The following NRG1 variants were observed in gnomAD, a reference collection of about 807,000 sequenced individuals.
NRG1 encodes neuregulin 1, also known as pro-neuregulin-1, membrane-bound isoform.
Under a neutral mutation model 63.8 loss-of-function variants are expected in NRG1, and 18 were observed. That is an observed-to-expected ratio of 0.28 (90% CI 0.19 to 0.42). The LOEUF (loss-of-function observed/expected upper bound fraction) is 0.42. Among genes scored for constraint, NRG1 ranks in the 10% least tolerant of loss-of-function variants. The pLI is 1.00. For missense variants in NRG1, 762 were observed against 814.7 expected, an observed-to-expected ratio of 0.94 and a Z score of 0.79; for synonymous variants, 302 against 301.3, an observed-to-expected ratio of 1.00 and a Z score of -0.02.
At chr8:32,560,846 G>C (rs1343985614) in intron 1 of NRG1, among the ~76,000 whole-genome samples, 1 of 151,872 alleles carries the variant, frequency 6.6e-6, no homozygotes, top group African/African-American at 2.4e-5. Context: ...GTTAATCTTT[G>C]TAAATTACTA....
chr8:31,966,657 C>T (rs1331091445), intron 1 of NRG1, among the ~76,000 whole-genome samples: 1 of 152,212 alleles, frequency 6.6e-6, no homozygotes, highest in Non-Finnish European at 1.5e-5. Flanking sequence ...TCAAGATTCC[C>T]TCAGCCAATT....
chr8:32,548,884 C>T, intron 1 of NRG1, 58 bp downstream of exon 1: 1 of 1,497,022 alleles, frequency 6.7e-7, no homozygotes, highest in Non-Finnish European at 8.9e-7. Context: ...CCTACTCCTC[C>T]TCCTCCTCGG....
chr8:32,222,570 G>A (rs1845932567), intron 1 of NRG1, among the ~76,000 whole-genome samples: 1 of 152,138 alleles, frequency 6.6e-6, no homozygotes, highest in Non-Finnish European at 1.5e-5. Flanking sequence ...GTTACACCCA[G>A]GGCAAGTCTA....
At chr8:32,724,082 G>A (rs1438063804) in intron 5 of NRG1, among the ~76,000 whole-genome samples, 1 of 152,208 alleles carries the variant, frequency 6.6e-6, no homozygotes, top group Non-Finnish European at 1.5e-5. Context: ...GTAAGTTTCT[G>A]CTTTACCTTA....
intron 1 of NRG1, among the ~76,000 whole-genome samples, chr8:31,907,347 T>C (rs1184575184): frequency 1.9e-5 from 1 of 52,274 alleles, no homozygotes; most frequent in Non-Finnish European, 3.8e-5. Flanking sequence ...AGATGATCCT[T>C]TTTTTTTTTT....
At chr8:32,220,707 G>T (rs1845720879) in intron 1 of NRG1, among the ~76,000 whole-genome samples, 1 of 152,176 alleles carries the variant, frequency 6.6e-6, no homozygotes, top group African/African-American at 2.4e-5. Flanking sequence ...CAGGCCATCT[G>T]CTGCAGTGTT....
At chr8:31,656,041 A>G (rs77602633) in intron 1 of NRG1, among the ~76,000 whole-genome samples, 1,963 of 152,322 alleles carry the variant, frequency 0.013, 28 homozygotes, top group Non-Finnish European at 0.02. Flanking sequence ...GGAGGTCAGA[A>G]GAGAATTCCA....
At chr8:31,781,819 A>G (rs1819712471) in intron 1 of NRG1, among the ~76,000 whole-genome samples, 1 of 152,012 alleles carries the variant, frequency 6.6e-6, no homozygotes, top group African/African-American at 2.4e-5. Context: ...TCTATATTTT[A>G]AGTCTAAATT....
intron 1 of NRG1, among the ~76,000 whole-genome samples, chr8:32,003,230 C>A (rs1306504605): frequency 6.6e-6 from 1 of 152,014 alleles, no homozygotes; most frequent in Admixed American, 6.6e-5. Flanking sequence ...CTAAAGAAAC[C>A]TTTTTAAAAT....
chr8:32,599,690 C>T (rs1843977461), intron 2 of NRG1, among the ~76,000 whole-genome samples: 1 of 152,120 alleles, frequency 6.6e-6, no homozygotes, highest in East Asian at 1.9e-4. Context: ...ATCAAGAAAA[C>T]TGGTTAAAAA....
intron 1 of NRG1, among the ~76,000 whole-genome samples, chr8:31,916,227 A>G (rs141232364): frequency 1.2e-3 from 183 of 151,986 alleles, no homozygotes; most frequent in African/African-American, 4.0e-3. Flanking sequence ...TTTTATTATT[A>G]TACTTTAAGT....
intron 1 of NRG1, among the ~76,000 whole-genome samples, chr8:32,500,032 A>T (rs1376796566): frequency 6.6e-6 from 1 of 152,234 alleles, no homozygotes; most frequent in Non-Finnish European, 1.5e-5. Flanking sequence ...GTTTTCCATT[A>T]AAACATAAAA....
At chr8:32,441,034 C>T (rs1340856993) in intron 1 of NRG1, among the ~76,000 whole-genome samples, 1 of 151,970 alleles carries the variant, frequency 6.6e-6, no homozygotes, top group Non-Finnish European at 1.5e-5. Context: ...TAAATTCAGG[C>T]AAATTTGGCA....
chr8:32,083,355 T>C (rs1472702676), intron 1 of NRG1, among the ~76,000 whole-genome samples: 1 of 152,236 alleles, frequency 6.6e-6, no homozygotes, highest in African/African-American at 2.4e-5. Flanking sequence ...CTTGCAACTC[T>C]ACTTCGGTTA....
intron 1 of NRG1, among the ~76,000 whole-genome samples, chr8:31,682,122 C>A (rs1243633816): frequency 6.6e-6 from 1 of 152,282 alleles, no homozygotes; most frequent in South Asian, 2.1e-4. Flanking sequence ...CCTCTCTTCC[C>A]ACTAAAACCT....
intron 1 of NRG1, among the ~76,000 whole-genome samples, chr8:32,360,043 T>C (rs752339380): frequency 6.6e-6 from 1 of 152,230 alleles, no homozygotes; most frequent in Non-Finnish European, 1.5e-5. Context: ...GTTCCGTGGA[T>C]GTCTAGTCAA....
chr8:31,679,529 T>C (rs1448356436), intron 1 of NRG1, among the ~76,000 whole-genome samples: 1 of 152,112 alleles, frequency 6.6e-6, no homozygotes, highest in East Asian at 1.9e-4. Context: ...TTCCATAAAA[T>C]TCAAAATCCA....
intron 1 of NRG1, among the ~76,000 whole-genome samples, chr8:31,871,168 G>A (rs1159099218): frequency 6.6e-6 from 1 of 152,004 alleles, no homozygotes; most frequent in Non-Finnish European, 1.5e-5. Context: ...GTAGAGATGG[G>A]GTTTCACCCT....
intron 1 of NRG1, among the ~76,000 whole-genome samples, chr8:32,378,666 CGT>C (rs1563382531): frequency 6.6e-6 from 1 of 152,032 alleles, no homozygotes; most frequent in Non-Finnish European, 1.5e-5. Flanking sequence ...ATGTGCACAA[CGT>C]GCAGGTTAGT....
Sources: allele counts gnomAD v4.1 joint callset (sites outside exome capture counted in the v4.1 genomes callset), GRCh38; gene constraint gnomAD v4.1.1; transcripts MANE v1.5; gene names NCBI Gene and HGNC (gene_info 2026-07-23, HGNC 2026-07-21).